GSG1L: variants seen among roughly 807,000 people sequenced by gnomAD.
GSG1L encodes GSG1 like.
Under a neutral mutation model 42.1 loss-of-function variants are expected in GSG1L, and 24 were observed. That is an observed-to-expected ratio of 0.57 (90% CI 0.41 to 0.80). The LOEUF (loss-of-function observed/expected upper bound fraction) is 0.80. GSG1L is among the 30% of genes least tolerant of loss of function. GSG1L has a pLI of 0.00. For missense variants in GSG1L, 445 were observed against 472.2 expected, an observed-to-expected ratio of 0.94 and a Z score of 0.53; for synonymous variants, 215 against 203.5, an observed-to-expected ratio of 1.06 and a Z score of -0.48.
At position 28,062,977 on chromosome 16, in the gene GSG1L, C is replaced by A. The variant is rs1002019312; in HGVS notation, c.349+99G>T. The A allele has an allele frequency of 2.0e-4, 245 of 1,207,862 alleles. 1 individual carries two copies. The highest frequency in any genetic ancestry group is 2.3e-4 in the Non-Finnish European group (223 of 975,420). The allele number at this position is 1,207,862 out of a possible 1,614,324, so 74.8% of individuals were successfully genotyped here. A position where few individuals can be genotyped will look rare whatever the true frequency, so the allele number is the denominator to read the frequency against. ...CGGAGCGCTGGGAGCTGGGCCCAGG[C>A]GGCGGGAGGAGGGCGAACGGGTCCG... On this transcript the variant is annotated intron_variant, in intron 1 of 6. Transcript: ENST00000447459.
intron 2 of GSG1L, among the ~76,000 whole-genome samples, chr16:27,924,571 T>G (rs973650140): frequency 6.6e-6 from 1 of 152,144 alleles, no homozygotes; most frequent in Non-Finnish European, 1.5e-5. Context: ...CTGTATAATA[T>G]CCCAAAGAGC....
In GSG1L at chr16:27,788,386, G is replaced by A. The variant is rs1198608008; in HGVS notation, c.*2984C>T. 5.3e-5 allele frequency: 8 copies of A among 152,298 alleles called. No homozygotes were observed. Among genetic ancestry groups the A allele is most frequent in the Admixed American group, 2.6e-4 (4 of 15,288 alleles). 9.4% of individuals were successfully genotyped at this position (152,298 alleles called of 1,614,324 possible). A position where few individuals can be genotyped will look rare whatever the true frequency, so the allele number is the denominator to read the frequency against. ...GTGATCTTCCTCAAATGTACACCCA[G>A]GCGCATCCCAGTCTGCTAAAAGCAT... On this transcript the variant is annotated 3_prime_UTR_variant, in exon 7 of 7. Coordinates refer to ENST00000447459, the MANE Select transcript of GSG1L (RefSeq NM_001109763.2).
chr16:27,823,922 A>G, intron 5 of GSG1L: 1 of 702,902 alleles, frequency 1.4e-6, no homozygotes, highest in South Asian at 1.5e-5. Flanking sequence ...CCACCTGTAA[A>G]ATGGAGGTGA....
chr16:27,841,344 G>C (rs1424455085), intron 4 of GSG1L, among the ~76,000 whole-genome samples: 1 of 152,216 alleles, frequency 6.6e-6, no homozygotes, highest in Non-Finnish European at 1.5e-5. Flanking sequence ...ACCCCAGGCT[G>C]TCAGACTCTT....
intron 4 of GSG1L, among the ~76,000 whole-genome samples, chr16:27,840,633 C>T (rs543791384): frequency 6.6e-6 from 1 of 152,322 alleles, no homozygotes; most frequent in East Asian, 1.9e-4. Context: ...TCCAGGGAGC[C>T]ACACCTCCCG....
chr16:27,934,071 G>T (rs1596624230), intron 2 of GSG1L, among the ~76,000 whole-genome samples: 1 of 152,246 alleles, frequency 6.6e-6, no homozygotes, highest in East Asian at 1.9e-4. Context: ...GACAGCAGAG[G>T]TGCTTTGCAG....
chr16:27,861,333 C>T (rs181567581), intron 3 of GSG1L, among the ~76,000 whole-genome samples: 21 of 151,884 alleles, frequency 1.4e-4, no homozygotes, highest in South Asian at 6.3e-4. Context: ...GCCGAGATCG[C>T]GCCAGTGCAC....
Position 28,055,005 on chromosome 16 carries a change from G to A in GSG1L, c.349+8071C>T, listed in dbSNP as rs559340665. On this transcript the variant is annotated intron_variant, in intron 1 of 6. Coordinates refer to ENST00000447459, the MANE Select transcript of GSG1L (RefSeq NM_001109763.2). ...CGCAGGCCCCCTACTCCTTCCTCACGTCACTCTCGTAGGTTTCCAGGCTGG... is the reference window on the plus strand; with the variant it reads ...CGCAGGCCCCCTACTCCTTCCTCACATCACTCTCGTAGGTTTCCAGGCTGG... 3.3e-5 allele frequency among the ~76,000 whole-genome samples: 5 copies of A among 152,186 alleles called. No homozygotes were observed. The East Asian group carries it at 5.8e-4, about 18-fold the overall frequency.
chr16:28,021,088 G>A (rs548639564), intron 1 of GSG1L, among the ~76,000 whole-genome samples: 1 of 152,290 alleles, frequency 6.6e-6, no homozygotes, highest in Admixed American at 6.5e-5. Context: ...TTCTCACATG[G>A]CTATAAAGAG....
At chr16:27,983,487 G>T (rs1268737406) in intron 1 of GSG1L, among the ~76,000 whole-genome samples, 1 of 152,198 alleles carries the variant, frequency 6.6e-6, no homozygotes, top group Non-Finnish European at 1.5e-5. Context: ...TGAGGCACGT[G>T]GTGCAGGACA....
chr16:27,884,390 C>G lies in GSG1L; in HGVS notation c.550+96G>C. On this transcript the variant is annotated intron_variant, in intron 3 of 6. Coordinates refer to ENST00000447459, the MANE Select transcript of GSG1L (RefSeq NM_001109763.2). The surrounding 1 kb of genome is among the most constrained non-coding windows in gnomAD (Gnocchi z 4.4). The stretch of plus-strand genomic sequence containing the variant: ...GGCTCACAGAAGAGAAGCAATTTGT[C>G]CAATGCCTCCCGGTTGGTACAACCA... The G allele has an allele frequency of 8.6e-7, 1 of 1,169,226 alleles. No homozygotes were observed. The highest frequency in any genetic ancestry group is 1.5e-5 in the African/African-American group (1 of 64,952). The allele number at this position is 1,169,226 out of a possible 1,614,324, so 72.4% of individuals were successfully genotyped here.
At chr16:27,922,439 A>T (rs1284121459) in intron 2 of GSG1L, among the ~76,000 whole-genome samples, 1 of 152,138 alleles carries the variant, frequency 6.6e-6, no homozygotes, top group African/African-American at 2.4e-5. Flanking sequence ...TAACCTAGTA[A>T]GTTTCCCTAC....
chr16:27,895,271 A>G (rs2084177318), intron 2 of GSG1L, among the ~76,000 whole-genome samples: 2 of 152,186 alleles, frequency 1.3e-5, no homozygotes, highest in Admixed American at 6.5e-5. Flanking sequence ...CTGGAACTGC[A>G]TCATCACGTG....
chr16:27,874,967 C>T (rs553194787), intron 3 of GSG1L, among the ~76,000 whole-genome samples: 2 of 152,248 alleles, frequency 1.3e-5, no homozygotes, highest in South Asian at 4.2e-4. Flanking sequence ...GATGCTGCTT[C>T]TGGGAAGATG....
At chr16:27,841,249 A>C (rs1167844566) in intron 4 of GSG1L, among the ~76,000 whole-genome samples, 1 of 152,040 alleles carries the variant, frequency 6.6e-6, no homozygotes, top group Non-Finnish European at 1.5e-5. Context: ...CTGAACCTGA[A>C]CTGTCTGACT....
chr16:28,031,239 A>G (rs1341656608), intron 1 of GSG1L, among the ~76,000 whole-genome samples: 6 of 87,834 alleles, frequency 6.8e-5, no homozygotes, highest in African/African-American at 2.7e-4. Context: ...ATGGGATGGG[A>G]TGGGGTGGGA....
intron 5 of GSG1L, among the ~76,000 whole-genome samples, chr16:27,810,015 T>C (rs577211892): frequency 5.2e-4 from 79 of 152,356 alleles, no homozygotes; most frequent in Non-Finnish European, 7.6e-4. Flanking sequence ...TACTCATATA[T>C]TGATAATCAC....
intron 1 of GSG1L, among the ~76,000 whole-genome samples, chr16:27,992,660 G>C (rs2085469010): frequency 6.6e-6 from 1 of 152,158 alleles, no homozygotes; most frequent in African/African-American, 2.4e-5. Context: ...TCAGCCTTTG[G>C]GGATAGGTTT....
rs933867345 is a variant in GSG1L at position 27,866,732 on chromosome 16, A to G, written c.550+17754T>C. Among the ~76,000 whole-genome samples the G allele has an allele frequency of 4.6e-5, 7 of 151,984 alleles. No homozygotes were observed. In the East Asian group the frequency reaches 1.4e-3, roughly 29 times the overall value. ...GACTACAGACTTGCACCACCATGCCAGGTTAATTTATGTATTTTTAGTAGA... is the reference window on the plus strand; with the variant it reads ...GACTACAGACTTGCACCACCATGCCGGGTTAATTTATGTATTTTTAGTAGA... On this transcript the variant is annotated intron_variant, in intron 3 of 6. Transcript: ENST00000447459.
Sources: gnomAD v4.1 joint callset for allele counts (sites outside exome capture counted in the v4.1 genomes callset) on GRCh38, gnomAD v4.1.1 for gene constraint, Gnocchi (gnomAD v3.1) non-coding constraint, MANE v1.5 for transcripts, NCBI Gene and HGNC (gene_info 2026-07-23, HGNC 2026-07-21) for gene names.